The following LIMA1 variants were observed in gnomAD, a reference collection of about 807,000 sequenced individuals.
LIMA1 encodes the protein LIM domain and actin-binding protein 1.
A neutral mutation model predicts 62.6 loss-of-function variants in LIMA1; 52 were observed. That is an observed-to-expected ratio of 0.83 (90% CI 0.67 to 1.05). The LOEUF is 1.05. LIMA1 is among the 50% of genes least tolerant of loss of function. The probability of loss-of-function intolerance (pLI) is 0.00; values close to 1 mark genes in which losing one functional copy is unlikely to be tolerated. For synonymous variants in LIMA1, 302 were observed against 317.8 expected, an observed-to-expected ratio of 0.95 and a Z score of 0.53; for missense variants, 780 against 902.2, an observed-to-expected ratio of 0.86 and a Z score of 1.74.
intron 4 of LIMA1, chr12:50,217,683 G>A: frequency 4.2e-6 from 1 of 239,294 alleles, no homozygotes; most frequent in Non-Finnish European, 8.4e-6. Flanking sequence ...GGCGGTCGTG[G>A]GGCAGCACCC....
rs56674261 is a variant in LIMA1 at position 50,178,966 on chromosome 12, A to ATATTTTT, written c.1275-898_1275-897insAAAAATA. Among the ~76,000 whole-genome samples, 460 of 128,940 alleles carry ATATTTTT rather than the reference A, an allele frequency of 3.6e-3. 3 individuals carry two copies. The highest frequency in any genetic ancestry group is 0.014 in the South Asian group (59 of 4,154). The allele number at this position is 128,940 out of a possible 152,430, so 84.6% of individuals were successfully genotyped here. ...TATATAAATACATATATATATATAT[A>ATATTTTT]TTTTTTTTTTCTTTTTCTTTTCTTT... On this transcript the variant is annotated intron_variant, in intron 10 of 10. Transcript: ENST00000341247.
Position 50,200,903 on chromosome 12 carries a change from T to G in LIMA1, c.865-19A>C, listed in dbSNP as rs780504816. On this transcript the variant is annotated intron_variant, in intron 6 of 10. Coordinates refer to ENST00000341247, the MANE Select transcript of LIMA1 (RefSeq NM_016357.5). ...GCTCATTCTACAAAATAAAAATAACTGTAAAAATTTTTTTAAAGTCCCATC... is the reference window on the plus strand; with the variant it reads ...GCTCATTCTACAAAATAAAAATAACGGTAAAAATTTTTTTAAAGTCCCATC... 13 of 1,609,466 alleles carry G rather than the reference T, an allele frequency of 8.1e-6. No individual in the cohort carries two copies. Among genetic ancestry groups the G allele is most frequent in the Non-Finnish European group, 9.3e-6 (11 of 1,178,918 alleles).
At chr12:50,201,670 G>A (rs1941053461) in intron 6 of LIMA1, 1 of 294,840 alleles carries the variant, frequency 3.4e-6, no homozygotes, top group Non-Finnish European at 5.0e-6. Flanking sequence ...GCTGAGGCGG[G>A]TGGATCGCCT....
chr12:50,223,835 C>T (rs1206411230), intron 3 of LIMA1, among the ~76,000 whole-genome samples: 1 of 152,056 alleles, frequency 6.6e-6, no homozygotes, highest in Admixed American at 6.6e-5. Flanking sequence ...GTCAGGAGTT[C>T]GTGGCCAGCC....
chr12:50,257,336 T>C (rs1412121488), intron 1 of LIMA1, among the ~76,000 whole-genome samples: 1 of 152,152 alleles, frequency 6.6e-6, no homozygotes, highest in Non-Finnish European at 1.5e-5. Flanking sequence ...TGAGCTCAGA[T>C]GATGTTGAAG....
At chr12:50,202,792 C>T (rs1435603468) in intron 6 of LIMA1, among the ~76,000 whole-genome samples, 1 of 152,098 alleles carries the variant, frequency 6.6e-6, no homozygotes, top group Non-Finnish European at 1.5e-5. Context: ...TTATGGTTTC[C>T]AATATGCACC....
chr12:50,198,789 G>T (rs1016556620), intron 7 of LIMA1, among the ~76,000 whole-genome samples: 40 of 152,144 alleles, frequency 2.6e-4, no homozygotes, highest in African/African-American at 7.5e-4. Context: ...ATTGGACAAT[G>T]GGCAATGGTA....
intron 9 of LIMA1, chr12:50,186,639 T>G (rs1481813223): frequency 1.3e-5 from 2 of 152,254 alleles, no homozygotes; most frequent in African/African-American, 4.8e-5. Context: ...CTGCACATGT[T>G]TTATCCTAAA....
At chr12:50,271,031 G>A (rs1447185408) in intron 1 of LIMA1, among the ~76,000 whole-genome samples, 1 of 152,228 alleles carries the variant, frequency 6.6e-6, no homozygotes, top group African/African-American at 2.4e-5. Context: ...GGCGGAGCTT[G>A]CAGTGAGCCG....
At chr12:50,281,564 C>T (rs1447642943) in intron 1 of LIMA1, among the ~76,000 whole-genome samples, 3 of 152,134 alleles carry the variant, frequency 2.0e-5, no homozygotes, top group Non-Finnish European at 4.4e-5. Flanking sequence ...CTAATGTTGC[C>T]AATATACTGT....
chr12:50,202,422 A>G (rs1008287604), intron 6 of LIMA1, among the ~76,000 whole-genome samples: 1 of 152,172 alleles, frequency 6.6e-6, no homozygotes, highest in Admixed American at 6.5e-5. Flanking sequence ...GTTTCCCCAC[A>G]TAGGGAGTCA....
chr12:50,181,815 C>G, intron 10 of LIMA1, 89 bp downstream of exon 10: 1 of 1,393,094 alleles, frequency 7.2e-7, no homozygotes, highest in Non-Finnish European at 1.0e-6. Flanking sequence ...ATCATTAGCA[C>G]AGTAGCTTTT....
intron 9 of LIMA1, among the ~76,000 whole-genome samples, chr12:50,190,682 ATTTTTTTTTTTTTTTTTTTTTTT>A (rs762182699): frequency 4.3e-5 from 4 of 93,058 alleles, no homozygotes; most frequent in South Asian, 6.5e-4. Context: ...ACCCGGCCTC[ATTTTTTTTTTTTTTTTTTTTTTT>A]TTTTTTTTTT....
At chr12:50,204,423 T>C in intron 6 of LIMA1, 129 bp downstream of exon 6, 1 of 1,085,036 alleles carries the variant, frequency 9.2e-7, no homozygotes, top group Non-Finnish European at 1.3e-6. Context: ...AGGGTTCATG[T>C]GAAAAGAGAA....
chr12:50,193,582 C>CACATATATATCATAT lies in LIMA1; in HGVS notation c.1031-1022_1031-1021insATATGATATATATGT, dbSNP rs1330636621. Among the ~76,000 whole-genome samples, 599 of 98,254 alleles carry CACATATATATCATAT rather than the reference C, an allele frequency of 6.1e-3. 12 individuals are homozygous for CACATATATATCATAT. Among genetic ancestry groups the CACATATATATCATAT allele is most frequent in the African/African-American group, 0.024 (563 of 23,492 alleles). The allele number at this position is 98,254 out of a possible 152,430, so 64.5% of individuals were successfully genotyped here. A position where few individuals can be genotyped will look rare whatever the true frequency, so the allele number is the denominator to read the frequency against. ...TATATGTATATATGATATATATATA[C>CACATATATATCATAT]ATGTATATATGATATATATATACAT... On this transcript the variant is annotated intron_variant, in intron 8 of 10. Transcript: ENST00000341247.
intron 2 of LIMA1, chr12:50,234,022 GA>G (rs1941651062): frequency 2.3e-6 from 1 of 425,914 alleles, no homozygotes; most frequent in East Asian, 7.1e-5. Flanking sequence ...TGACATCTTA[GA>G]TTTCATAAAT....
At chr12:50,211,210 C>G (rs1941249700) in intron 4 of LIMA1, among the ~76,000 whole-genome samples, 1 of 151,172 alleles carries the variant, frequency 6.6e-6, no homozygotes, top group Non-Finnish European at 1.5e-5. Flanking sequence ...GTAATCCCAG[C>G]TACTTGGGAG....
At chr12:50,198,375 G>A (rs903131311) in intron 7 of LIMA1, among the ~76,000 whole-genome samples, 2 of 152,030 alleles carry the variant, frequency 1.3e-5, no homozygotes, top group African/African-American at 4.8e-5. Context: ...GCGAGACCCT[G>A]TCTATACAAA....
intron 2 of LIMA1, among the ~76,000 whole-genome samples, chr12:50,247,540 G>C (rs1319898772): frequency 6.6e-6 from 1 of 151,902 alleles, no homozygotes; most frequent in Non-Finnish European, 1.5e-5. Context: ...GGCCACCCTG[G>C]CTGATGCTAA....
Sources: allele counts gnomAD v4.1 joint callset (sites outside exome capture counted in the v4.1 genomes callset), GRCh38; gene constraint gnomAD v4.1.1; transcripts MANE v1.5; gene names NCBI Gene and HGNC (gene_info 2026-07-23, HGNC 2026-07-21).